CACNB2: variants seen among roughly 807,000 people sequenced by gnomAD.
The protein encoded by CACNB2 is voltage-dependent L-type calcium channel subunit beta-2.
A neutral mutation model predicts 73.3 loss-of-function variants in CACNB2; 42 were observed. The ratio of observed to expected loss-of-function variants is 0.57; its 90% CI spans 0.45 to 0.74. The LOEUF is 0.74. Ranked by LOEUF, CACNB2 falls within the 30% of genes least tolerant of loss-of-function variation. The probability of loss-of-function intolerance (pLI) is 0.00; values close to 1 mark genes in which losing one functional copy is unlikely to be tolerated. For synonymous variants in CACNB2, 348 were observed against 310.3 expected (o/e 1.12, Z -1.28); for missense variants, 940 against 853.0 (o/e 1.10, Z -1.27).
At position 18,542,176 on chromosome 10, in the gene CACNB2, A is replaced by G. The variant is rs2054096851; in HGVS notation, c.*2452A>G. On this transcript the variant is annotated 3_prime_UTR_variant, in exon 14 of 14. Coordinates refer to ENST00000324631, the MANE Select transcript of CACNB2 (RefSeq NM_201596.3). The stretch of plus-strand genomic sequence containing the variant: ...ACCAATGCACTCCAGCCTGGTGACA[A>G]CCTGGTGTTTAAAAAAAGAAAATAA... 1 of 152,106 alleles carries G rather than the reference A, an allele frequency of 6.6e-6. No individual in the cohort carries two copies. Among genetic ancestry groups the G allele is most frequent in the South Asian group, 2.1e-4 (1 of 4,830 alleles). 9.4% of individuals were successfully genotyped at this position (152,106 alleles called of 1,614,324 possible).
intron 3 of CACNB2, among the ~76,000 whole-genome samples, chr10:18,456,561 C>G (rs1363955942): frequency 1.3e-5 from 2 of 152,178 alleles, no homozygotes; most frequent in African/African-American, 4.8e-5. Context: ...CCTTATGAGC[C>G]AATCACCTCC....
intron 2 of CACNB2, among the ~76,000 whole-genome samples, chr10:18,205,017 T>A (rs2035032743): frequency 6.7e-6 from 1 of 150,374 alleles, no homozygotes; most frequent in Non-Finnish European, 1.5e-5. Context: ...TGCCCAAGAC[T>A]CTATATTCCA....
At chr10:18,403,770 A>G (rs892587376) in intron 3 of CACNB2, among the ~76,000 whole-genome samples, 14 of 152,294 alleles carry the variant, frequency 9.2e-5, no homozygotes, top group Admixed American at 2.0e-4. Context: ...AAAGAAAATG[A>G]AGAGACTTTA....
At chr10:18,182,202 C>G (rs1294637735) in intron 2 of CACNB2, 3 of 152,026 alleles carry the variant, frequency 2.0e-5, no homozygotes, top group Non-Finnish European at 4.4e-5. Flanking sequence ...GTCGCTCATG[C>G]CTGTAATAGC....
At chr10:18,357,007 C>G (rs374914563) in intron 2 of CACNB2, among the ~76,000 whole-genome samples, 1 of 136,680 alleles carries the variant, frequency 7.3e-6, no homozygotes, top group Non-Finnish European at 1.5e-5. Context: ...TGCAGTGGCG[C>G]GATCTCGACT....
intron 2 of CACNB2, among the ~76,000 whole-genome samples, chr10:18,244,281 A>G (rs2036777073): frequency 6.6e-6 from 1 of 152,226 alleles, no homozygotes; most frequent in Non-Finnish European, 1.5e-5. Flanking sequence ...GCTGAGATTC[A>G]TATAGAGTAA....
At chr10:18,164,592 T>C (rs2032710442) in intron 2 of CACNB2, among the ~76,000 whole-genome samples, 1 of 151,882 alleles carries the variant, frequency 6.6e-6, no homozygotes, top group Non-Finnish European at 1.5e-5. Flanking sequence ...GCTCTTGCAA[T>C]TAATACAAGA....
intron 2 of CACNB2, among the ~76,000 whole-genome samples, chr10:18,162,774 A>C (rs1489878599): frequency 6.6e-6 from 1 of 152,214 alleles, no homozygotes; most frequent in Non-Finnish European, 1.5e-5. Flanking sequence ...ACCTGGAGGA[A>C]GTATGTGTTC....
chr10:18,158,851 A>G (rs143323761), intron 2 of CACNB2, among the ~76,000 whole-genome samples: 149 of 152,320 alleles, frequency 9.8e-4, no homozygotes, highest in African/African-American at 3.3e-3. Flanking sequence ...TTGTGCAAGA[A>G]TTGCTAAGTG....
chr10:18,457,444 A>G (rs933722617), intron 3 of CACNB2, among the ~76,000 whole-genome samples: 4 of 152,154 alleles, frequency 2.6e-5, no homozygotes, highest in Admixed American at 2.0e-4. Context: ...ACTTAATGCT[A>G]TCACCTTAGA....
intron 13 of CACNB2, 65 bp downstream of exon 13, chr10:18,538,430 A>G: frequency 6.9e-7 from 1 of 1,450,248 alleles, no homozygotes; most frequent in East Asian, 2.3e-5. Flanking sequence ...GCCTATGGTG[A>G]CACCTCTAGG....
chr10:18,410,428 G>T (rs961516056), intron 3 of CACNB2, among the ~76,000 whole-genome samples: 54 of 152,146 alleles, frequency 3.5e-4, no homozygotes, highest in African/African-American at 1.3e-3. Flanking sequence ...CAGATTGAGA[G>T]AATTCCCCTA....
At chr10:18,168,961 C>T (rs957766308) in intron 2 of CACNB2, among the ~76,000 whole-genome samples, 1 of 152,006 alleles carries the variant, frequency 6.6e-6, no homozygotes, top group African/African-American at 2.4e-5. Flanking sequence ...GTCTAACAGC[C>T]AAGAAATTTT....
intron 2 of CACNB2, among the ~76,000 whole-genome samples, chr10:18,179,452 C>T (rs576768825): frequency 1.3e-5 from 2 of 152,158 alleles, no homozygotes; most frequent in South Asian, 2.1e-4. Flanking sequence ...TGTAACTTAC[C>T]TGGTCATTGC....
intron 2 of CACNB2, among the ~76,000 whole-genome samples, chr10:18,171,710 G>A (rs1026079776): frequency 1.3e-5 from 2 of 151,784 alleles, no homozygotes; most frequent in African/African-American, 4.8e-5. Flanking sequence ...AACCAGTTGG[G>A]ATCAAGTACC....
intron 1 of CACNB2, among the ~76,000 whole-genome samples, chr10:18,143,098 A>G (rs1481340567): frequency 1.3e-5 from 2 of 152,224 alleles, no homozygotes; most frequent in Non-Finnish European, 2.9e-5. Context: ...TAAGGTCAAG[A>G]TTGGACACAG....
intron 1 of CACNB2, 38 bp downstream of exon 1, chr10:18,140,894 C>T: frequency 6.4e-7 from 1 of 1,567,296 alleles, no homozygotes; most frequent in Non-Finnish European, 8.6e-7. Flanking sequence ...CCTTTGTGAG[C>T]CGCCGGGCAG....
At chr10:18,151,113 TA>T (rs1394311024) in intron 2 of CACNB2, 138 bp downstream of exon 2, 1 of 663,174 alleles carries the variant, frequency 1.5e-6, no homozygotes, top group Non-Finnish European at 2.7e-6. Flanking sequence ...CGGTGCTGTT[TA>T]ATGTCATAAT....
At chr10:18,248,570 A>G (rs1344625218) in intron 2 of CACNB2, among the ~76,000 whole-genome samples, 3 of 152,244 alleles carry the variant, frequency 2.0e-5, no homozygotes, top group Non-Finnish European at 4.4e-5. Flanking sequence ...TTTCTTTGTC[A>G]CTATGTAGCT....
Sources: allele counts gnomAD v4.1 joint callset (sites outside exome capture counted in the v4.1 genomes callset), GRCh38; gene constraint gnomAD v4.1.1; transcripts MANE v1.5; gene names NCBI Gene and HGNC (gene_info 2026-07-23, HGNC 2026-07-21).